The following LYPD5 variants were observed in gnomAD, a reference collection of about 807,000 sequenced individuals.
The protein encoded by LYPD5 is ly6/PLAUR domain-containing protein 5.
A neutral mutation model predicts 19.1 loss-of-function variants in LYPD5; 21 were observed. The ratio of observed to expected loss-of-function variants is 1.10; its 90% CI spans 0.78 to 1.58. LYPD5 has a LOEUF of 1.58. Among genes scored for constraint, LYPD5 ranks in the 40% most tolerant of loss-of-function variants. LYPD5 has a pLI of 0.00. For missense variants in LYPD5, 287 were observed against 329.8 expected (o/e 0.87, Z 1.00); for synonymous variants, 128 against 142.7 (o/e 0.90, Z 0.74).
upstream of LYPD5, among the ~76,000 whole-genome samples, chr19:43,803,027 A>C (rs796172947): frequency 2.0e-5 from 3 of 152,208 alleles, no homozygotes; most frequent in African/African-American, 7.2e-5. Context: ...AGAGACATAC[A>C]GGGAGAGACA....
chr19:43,812,407 GCTAT>G (rs751069002), intron 1 of LYPD5, among the ~76,000 whole-genome samples: 9 of 149,138 alleles, frequency 6.0e-5, no homozygotes, highest in Non-Finnish European at 1.2e-4. Context: ...CATCCATCCA[GCTAT>G]CTATCATCAT....
At chr19:43,803,298 G>A (rs867790280), upstream of LYPD5, among the ~76,000 whole-genome samples, 10 of 152,208 alleles carry the variant, frequency 6.6e-5, no homozygotes, top group Non-Finnish European at 1.3e-4. Flanking sequence ...ACTGTCCCCC[G>A]AGGACACAGG....
At chr19:43,797,963 G>GGCCTCCCTCAGACCAGGGCCAT (rs1970156383) in intron 4 of LYPD5, 134 bp from the exon 5 acceptor site, 3 of 698,986 alleles carry the variant, frequency 4.3e-6, no homozygotes, top group Non-Finnish European at 7.2e-6. Flanking sequence ...ACCAGGGCCA[G>GGCCTCCCTCAGACCAGGGCCAT]GCCTCCCTCA....
chr19:43,800,750 T>C (rs1295045036), intron 1 of LYPD5, among the ~76,000 whole-genome samples: 2 of 151,590 alleles, frequency 1.3e-5, no homozygotes, highest in Non-Finnish European at 2.9e-5. Context: ...TCACCTGAAC[T>C]CGGGAGTTAG....
intron 1 of LYPD5, among the ~76,000 whole-genome samples, chr19:43,812,385 C>CT (rs377462346): frequency 1.2e-3 from 116 of 97,946 alleles, no homozygotes; most frequent in South Asian, 2.5e-3. Flanking sequence ...ATCAATCTAT[C>CT]ATCTATCTAT....
upstream of LYPD5, among the ~76,000 whole-genome samples, chr19:43,807,188 G>C (rs368547273): frequency 6.6e-6 from 1 of 152,050 alleles, no homozygotes; most frequent in Non-Finnish European, 1.5e-5. Flanking sequence ...ACCCTGCTTT[G>C]AATTTTTTTG....
intron 1 of LYPD5, 83 bp downstream of exon 1, chr19:43,802,234 C>A (rs1970231726): frequency 6.6e-6 from 8 of 1,211,412 alleles, no homozygotes; most frequent in Non-Finnish European, 8.2e-6. Context: ...CCCAGGAGTC[C>A]AGGCCCCCAG....
At position 43,798,970 on chromosome 19, in the gene LYPD5, G is replaced by A; in HGVS notation, c.212C>T (p.Thr71Ile). 6.3e-7 allele frequency: 1 copy of A among 1,577,876 alleles called. No homozygotes were observed. Among genetic ancestry groups the A allele is most frequent in the Non-Finnish European group, 8.6e-7 (1 of 1,162,298 alleles). The change falls in exon 3 of 5, where the codon ACC becomes ATC. Residue 71 changes from threonine (T) to isoleucine (I), a missense_variant. Thr to Ile is a moderately conservative substitution (Grantham distance 89, BLOSUM62 -1). Transcript: ENST00000377950. ...GGTCCAGCAGCCCTTCCGCACCAGGGTCACCGGCGCGCGATACCCTGGGGG... is the reference window on the plus strand; with the variant it reads ...GGTCCAGCAGCCCTTCCGCACCAGGATCACCGGCGCGCGATACCCTGGGGG... ...SLDTGYRAPV[T>I]LVRKGCWTGP...
At chr19:43,800,408 G>A (rs891428783) in intron 1 of LYPD5, among the ~76,000 whole-genome samples, 1 of 152,214 alleles carries the variant, frequency 6.6e-6, no homozygotes, top group Middle Eastern at 3.4e-3. Context: ...AAACAAGTAC[G>A]CATCTGGACC....
At chr19:43,801,886 A>C (rs546108825) in intron 1 of LYPD5, among the ~76,000 whole-genome samples, 1 of 152,218 alleles carries the variant, frequency 6.6e-6, no homozygotes, top group East Asian at 1.9e-4. Flanking sequence ...CCTAGCCCAC[A>C]ATGGGGTAGA....
rs1970149824 is a variant in LYPD5 at position 43,797,602 on chromosome 19, G to A, written c.745C>T (p.Leu249Phe). ...CCTGGAGGGGCGGTCTATGCTGAGA[G>A]CCCCACCAGCAGGAGGACTGGGAGG... ...LLLPVLLLVG[L>F]SA is the part of the protein sequence containing the mutation. Residue 249 changes from leucine to phenylalanine, a missense_variant, in exon 5 of 5, where the codon CTC becomes TTC. By Grantham distance (22) the Leu-to-Phe change is conservative. Transcript: ENST00000377950. 6.2e-7 allele frequency: 1 copy of A among 1,604,148 alleles called. No individual in the cohort carries two copies. Among genetic ancestry groups the A allele is most frequent in the South Asian group, 1.1e-5 (1 of 90,042 alleles).
At chr19:43,810,987 A>G (rs1970318847) in intron 1 of LYPD5, among the ~76,000 whole-genome samples, 1 of 152,212 alleles carries the variant, frequency 6.6e-6, no homozygotes, top group Non-Finnish European at 1.5e-5. Flanking sequence ...CCACAGCGTG[A>G]TCAAACACCT....
intron 1 of LYPD5, among the ~76,000 whole-genome samples, chr19:43,812,198 G>T (rs900297262): frequency 6.6e-6 from 1 of 152,178 alleles, no homozygotes; most frequent in African/African-American, 2.4e-5. Flanking sequence ...TGCTTTTCAT[G>T]CCTTTGCTTA....
Position 43,798,598 on chromosome 19 carries a change from G to A in LYPD5, c.374C>T (p.Pro125Leu), listed in dbSNP as rs755942581. Residue 125 changes from proline to leucine, a missense_variant, in exon 4 of 5, where the codon CCC becomes CTC. Coordinates refer to ENST00000377950, the MANE Select transcript of LYPD5 (RefSeq NM_001031749.3). Reference protein sequence around the residue: ...HDALPNLSQAPDPPTLSGAEC... With the variant: ...HDALPNLSQALDPPTLSGAEC... ...GGCGCCGCTGAGCGTCGGCGGGTCGGGTGCTGGCAAGAGAGCGTAGATGCA... is the reference window on the plus strand; with the variant it reads ...GGCGCCGCTGAGCGTCGGCGGGTCGAGTGCTGGCAAGAGAGCGTAGATGCA... 1.2e-6 allele frequency: 2 copies of A among 1,610,206 alleles called. No homozygotes were observed. The highest frequency in any genetic ancestry group is 1.7e-6 in the Non-Finnish European group (2 of 1,180,018).
chr19:43,804,254 T>G (rs531471), upstream of LYPD5, among the ~76,000 whole-genome samples: 4 of 151,962 alleles, frequency 2.6e-5, no homozygotes, highest in Non-Finnish European at 2.9e-5. Flanking sequence ...TCAAGGGAGA[T>G]AGCACCCCTA....
rs1208574712 is a variant in LYPD5 at position 43,797,767 on chromosome 19, T to C, written c.580A>G (p.Thr194Ala). 6.2e-7 allele frequency: 1 copy of C among 1,613,780 alleles called. No homozygotes were observed. The highest frequency in any genetic ancestry group is 1.3e-5 in the African/African-American group (1 of 74,854). Residue 194 changes from threonine (T) to alanine (A), a missense_variant, in exon 5 of 5, where the codon ACC (threonine) becomes GCC (alanine). Coordinates refer to ENST00000377950, the MANE Select transcript of LYPD5 (RefSeq NM_001031749.3). ...CHRPSCTTEG[T>A]TSPWTAIDLQ... ...TCGATGGCTGTCCAGGGGCTGGTGG[T>C]GCCCTCGGTGGTGCAGGAGGGCCGG...
In LYPD5 at chr19:43,814,967, C is replaced by G. The variant is rs183934507; in HGVS notation, c.-66+5573G>C. ...CAGCAGCTGGTTTTCAAATTGAAAG[C>G]ACTTATATGCTGCATAATAAATGGA... On this transcript the variant is annotated intron_variant, in intron 1 of 4. Coordinates refer to the LYPD5 transcript ENST00000414615. Among the ~76,000 whole-genome samples, 421 of 152,306 alleles carry G rather than the reference C, an allele frequency of 2.8e-3. 3 individuals carry two copies. Among genetic ancestry groups the G allele is most frequent in the Middle Eastern group, 0.017 (5 of 294 alleles).
At chr19:43,806,076 C>T (rs1290794709), upstream of LYPD5, among the ~76,000 whole-genome samples, 2 of 152,094 alleles carry the variant, frequency 1.3e-5, no homozygotes, top group East Asian at 3.9e-4. Context: ...GATCCCCAAC[C>T]CCCGGGGCCT....
chr19:43,803,037 A>G (rs567110907), upstream of LYPD5, among the ~76,000 whole-genome samples: 1 of 152,316 alleles, frequency 6.6e-6, no homozygotes, highest in Admixed American at 6.5e-5. Flanking sequence ...AGGGAGAGAC[A>G]GACACAAAAG....
Sources: gnomAD v4.1 joint callset for allele counts (sites outside exome capture counted in the v4.1 genomes callset) on GRCh38, gnomAD v4.1.1 for gene constraint, MANE v1.5 for transcripts, NCBI Gene and HGNC (gene_info 2026-07-23, HGNC 2026-07-21) for gene names.